Variants in DIAPH1 observed in about 807,000 individuals in gnomAD.
The protein encoded by DIAPH1 is protein diaphanous homolog 1.
Under a neutral mutation model 140.7 loss-of-function variants are expected in DIAPH1, and 46 were observed. The ratio of observed to expected loss-of-function variants is 0.33; its 90% confidence interval spans 0.26 to 0.42. The LOEUF (loss-of-function observed/expected upper bound fraction) is 0.42. Among genes scored for constraint, DIAPH1 ranks in the 10% least tolerant of loss-of-function variants. The pLI is 1.00. For synonymous variants in DIAPH1, 565 were observed against 551.6 expected (o/e 1.02, Z -0.34); for missense variants, 1,310 against 1,558.7 (o/e 0.84, Z 2.69).
intron 18 of DIAPH1, among the ~76,000 whole-genome samples, chr5:141,543,822 G>A (rs1036655065): frequency 6.6e-6 from 1 of 152,094 alleles, no homozygotes; most frequent in Non-Finnish European, 1.5e-5. Context: ...CTTTAAAGAT[G>A]AATTTTATCA....
intron 1 of DIAPH1, among the ~76,000 whole-genome samples, chr5:141,597,609 A>T (rs2099899521): frequency 6.6e-6 from 1 of 152,212 alleles, no homozygotes; most frequent in South Asian, 2.1e-4. Flanking sequence ...TCCCGGGGAT[A>T]AAGGTTCCAG....
chr5:141,543,524 G>T (rs1437098627), intron 18 of DIAPH1, among the ~76,000 whole-genome samples: 1 of 152,128 alleles, frequency 6.6e-6, no homozygotes, highest in Non-Finnish European at 1.5e-5. Context: ...TTATGATGGT[G>T]CAAAAGCCAT....
At chr5:141,577,058 T>TA (rs1234398432) in intron 12 of DIAPH1, among the ~76,000 whole-genome samples, 187 bp from the exon 13 acceptor site, 27 of 152,218 alleles carry the variant, frequency 1.8e-4, no homozygotes, top group African/African-American at 6.5e-4. Flanking sequence ...CTACCCTATC[T>TA]ACTTCAAATA....
intron 18 of DIAPH1, among the ~76,000 whole-genome samples, chr5:141,545,039 T>TA (rs1562297680): frequency 6.6e-6 from 1 of 152,184 alleles, no homozygotes; most frequent in Non-Finnish European, 1.5e-5. Context: ...GACATTATGC[T>TA]AAAATCAAAG....
chr5:141,544,251 A>G (rs986191700), intron 18 of DIAPH1, among the ~76,000 whole-genome samples: 3 of 152,184 alleles, frequency 2.0e-5, no homozygotes, highest in African/African-American at 7.2e-5. Context: ...TGGAGCTTGC[A>G]GTGAGCTGAG....
intron 1 of DIAPH1, among the ~76,000 whole-genome samples, chr5:141,599,814 T>C (rs1206316807): frequency 6.6e-6 from 1 of 152,242 alleles, no homozygotes; most frequent in African/African-American, 2.4e-5. Context: ...TCATCAGGAC[T>C]GTGAATATGA....
At position 141,587,153 on chromosome 5, in the gene DIAPH1, C is replaced by T. The variant is rs762043047; in HGVS notation, c.189G>A (p.Lys63=). 1 of 1,614,152 alleles carries T rather than the reference C, an allele frequency of 6.2e-7. No homozygotes were observed. Among genetic ancestry groups the T allele is most frequent in the Non-Finnish European group, 8.5e-7 (1 of 1,180,002 alleles). ...AAGAATTTCTATGAGCAGAATTGGG[C>T]TTTTCCTTCTCCTTCTTAATTCTCA... ...TSMRIKKEKE[K]PNSAHRNSSA... is the part of the protein sequence containing the mutation. The change falls in exon 3 of 28, where the codon AAG becomes AAA. Residue 63 remains lysine (K), a synonymous_variant. Coordinates refer to ENST00000389054, the MANE Select transcript of DIAPH1 (RefSeq NM_005219.5).
intron 27 of DIAPH1, chr5:141,519,040 A>G (rs1334419869): frequency 1.3e-6 from 2 of 1,521,448 alleles, no homozygotes; most frequent in South Asian, 2.4e-5. Flanking sequence ...ACTGACAGCC[A>G]CAGGACTTAT....
chr5:141,577,377 T>G (rs1596382847), intron 12 of DIAPH1, 98 bp downstream of exon 12: 4 of 914,994 alleles, frequency 4.4e-6, no homozygotes, highest in Non-Finnish European at 7.3e-6. Context: ...GGTCTTTGTC[T>G]TTACATTTTC....
At chr5:141,582,500 A>ATT in intron 6 of DIAPH1, 125 bp from the exon 7 acceptor site, 1 of 733,760 alleles carries the variant, frequency 1.4e-6, no homozygotes, top group Non-Finnish European at 2.5e-6. Flanking sequence ...TTTAGGAAAT[A>ATT]GCACCTTGCC....
chr5:141,529,510 G>T, intron 20 of DIAPH1, 93 bp downstream of exon 20: 2 of 1,109,020 alleles, frequency 1.8e-6, no homozygotes, highest in South Asian at 1.2e-5. Context: ...AGTCAGCAAT[G>T]CTGGAGGAGG....
intron 18 of DIAPH1, among the ~76,000 whole-genome samples, chr5:141,556,164 ATAT>A (rs1382794951): frequency 6.6e-6 from 1 of 152,190 alleles, no homozygotes; most frequent in African/African-American, 2.4e-5. Context: ...AGGACTAGCG[ATAT>A]TATAATCCTG....
At chr5:141,517,111 C>G in intron 27 of DIAPH1, 103 bp from the exon 28 acceptor site, 1 of 1,378,138 alleles carries the variant, frequency 7.3e-7, no homozygotes, top group African/African-American at 1.4e-5. Context: ...ACATGACTAC[C>G]TTGGCCACTT....
At chr5:141,614,929 T>C (rs1047628397) in intron 1 of DIAPH1, among the ~76,000 whole-genome samples, 4 of 152,216 alleles carry the variant, frequency 2.6e-5, no homozygotes, top group Admixed American at 1.3e-4. Flanking sequence ...TTAAAGTTAA[T>C]GTTTTAAGAG....
At chr5:141,542,318 A>G (rs764310713) in intron 18 of DIAPH1, among the ~76,000 whole-genome samples, 2 of 152,120 alleles carry the variant, frequency 1.3e-5, no homozygotes, top group Non-Finnish European at 2.9e-5. Flanking sequence ...CTGTAATCCC[A>G]GCTACTCGGG....
chr5:141,581,114 G>A (rs1266105516), intron 7 of DIAPH1, among the ~76,000 whole-genome samples: 1 of 152,152 alleles, frequency 6.6e-6, no homozygotes, highest in Non-Finnish European at 1.5e-5. Context: ...AATCCAATAT[G>A]ACCAGTGTCC....
At chr5:141,572,645 C>T (rs2154596222) in intron 16 of DIAPH1, among the ~76,000 whole-genome samples, 1 of 151,742 alleles carries the variant, frequency 6.6e-6, no homozygotes, top group South Asian at 2.1e-4. Context: ...ACTAAAAATA[C>T]AAAAATTAGC....
chr5:141,580,679 T>C, intron 8 of DIAPH1, 65 bp downstream of exon 8: 3 of 1,564,598 alleles, frequency 1.9e-6, no homozygotes, highest in Non-Finnish European at 1.8e-6. Context: ...AACTCAATTG[T>C]CCTCTGAACT....
chr5:141,550,632 T>G (rs958487998), intron 18 of DIAPH1: 3 of 154,400 alleles, frequency 1.9e-5, no homozygotes, highest in Non-Finnish European at 4.4e-5. Flanking sequence ...TCTTTTTTTT[T>G]CAAGACAGAG....
Sources: gnomAD v4.1 joint callset for allele counts (sites outside exome capture counted in the v4.1 genomes callset) on GRCh38, gnomAD v4.1.1 for gene constraint, MANE v1.5 for transcripts, NCBI Gene and HGNC (gene_info 2026-07-23, HGNC 2026-07-21) for gene names.